The following CCDC171 variants were observed in gnomAD, a reference collection of about 807,000 sequenced individuals.
CCDC171 encodes the protein coiled-coil domain containing 171, also known as coiled-coil domain-containing protein 171.
A neutral mutation model predicts 168.2 loss-of-function variants in CCDC171; 177 were observed. The observed-to-expected ratio is 1.05, with a 90% CI of 0.93 to 1.19. The LOEUF (loss-of-function observed/expected upper bound fraction) is 1.19, where lower values mean the gene tolerates loss of function less well. Ranked by LOEUF, CCDC171 falls within the 50% of genes most tolerant of loss-of-function variation. CCDC171 has a pLI of 0.00. For synonymous variants in CCDC171, 687 were observed against 540.8 expected, an observed-to-expected ratio of 1.27 and a Z score of -3.75; for missense variants, 1,991 against 1,539.0, an observed-to-expected ratio of 1.29 and a Z score of -4.91.
intron 25 of CCDC171, among the ~76,000 whole-genome samples, chr9:15,948,779 T>C (rs1828737310): frequency 6.6e-6 from 1 of 151,764 alleles, no homozygotes; most frequent in African/African-American, 2.4e-5. Flanking sequence ...GGTTGCCTGT[T>C]CACTCTGATG....
chr9:15,577,438 C>A (rs1324782741), intron 3 of CCDC171, among the ~76,000 whole-genome samples: 1 of 152,180 alleles, frequency 6.6e-6, no homozygotes, highest in Non-Finnish European at 1.5e-5. Context: ...TCCTAAACAA[C>A]TGCACACCAT....
At chr9:15,642,134 C>A (rs1224153480) in intron 7 of CCDC171, among the ~76,000 whole-genome samples, 1 of 151,454 alleles carries the variant, frequency 6.6e-6, no homozygotes, top group Non-Finnish European at 1.5e-5. Context: ...GTACTCTAGC[C>A]TGGGAGACAG....
intron 21 of CCDC171, among the ~76,000 whole-genome samples, chr9:15,790,023 C>A (rs76981498): frequency 1.3e-5 from 2 of 152,060 alleles, no homozygotes; most frequent in East Asian, 3.8e-4. Context: ...TGGGTTGGTT[C>A]GAAGTCTTTG....
chr9:15,846,186 A>G (rs894068985), intron 21 of CCDC171, among the ~76,000 whole-genome samples: 2 of 152,090 alleles, frequency 1.3e-5, no homozygotes, highest in African/African-American at 2.4e-5. Flanking sequence ...TGAAATGTCT[A>G]TAGCCACCTA....
intron 7 of CCDC171, among the ~76,000 whole-genome samples, chr9:15,642,032 T>G (rs1186840736): frequency 6.6e-6 from 1 of 151,830 alleles, no homozygotes; most frequent in Non-Finnish European, 1.5e-5. Context: ...GTCATGGTGG[T>G]GTGTGCTTGT....
chr9:15,679,110 G>A lies in CCDC171; in HGVS notation c.1215+214G>A, dbSNP rs536132321. Reference sequence around the variant, plus strand: ...TTGGAATAATTGGGGGAAACTAACTGAACTAGTAAAAACTGAATTATAGAA... The same window carrying A: ...TTGGAATAATTGGGGGAAACTAACTAAACTAGTAAAAACTGAATTATAGAA... On this transcript the variant is annotated intron_variant, in intron 10 of 25. Coordinates refer to ENST00000380701, the MANE Select transcript of CCDC171 (RefSeq NM_173550.4). Among the ~76,000 whole-genome samples, 14 of 151,480 alleles carry A rather than the reference G, an allele frequency of 9.2e-5. No individual in the cohort carries two copies. In the South Asian group the frequency reaches 1.5e-3, roughly 16 times the overall value.
chr9:15,779,440 A>C (rs2057539869), intron 20 of CCDC171, among the ~76,000 whole-genome samples: 1 of 151,848 alleles, frequency 6.6e-6, no homozygotes, highest in East Asian at 1.9e-4. Context: ...GCTCACTGCA[A>C]CCTCTGCCCC....
intron 18 of CCDC171, among the ~76,000 whole-genome samples, chr9:15,769,221 A>G (rs2056886975): frequency 1.3e-5 from 2 of 152,232 alleles, no homozygotes; most frequent in African/African-American, 4.8e-5. Context: ...AGTAAAACTG[A>G]GAGCATGATA....
intron 1 of CCDC171, among the ~76,000 whole-genome samples, chr9:16,049,181 T>C (rs1006172615): frequency 6.6e-6 from 1 of 152,210 alleles, no homozygotes; most frequent in East Asian, 1.9e-4. Flanking sequence ...GATTACTGCA[T>C]TGTGTCAGTT....
intron 3 of CCDC171, among the ~76,000 whole-genome samples, chr9:15,990,245 C>G (rs2132904904): frequency 6.6e-6 from 1 of 152,096 alleles, no homozygotes. Flanking sequence ...AGAAACTCTA[C>G]AAGCCAGAAG....
At chr9:15,948,731 C>T (rs1828726476) in intron 25 of CCDC171, among the ~76,000 whole-genome samples, 1 of 151,148 alleles carries the variant, frequency 6.6e-6, no homozygotes, top group Non-Finnish European at 1.5e-5. Context: ...AGCCCTTTGT[C>T]AGATGAGTAG....
chr9:15,969,078 A>G (rs955367966), intron 25 of CCDC171, among the ~76,000 whole-genome samples: 5 of 152,166 alleles, frequency 3.3e-5, no homozygotes, highest in African/African-American at 9.7e-5. Context: ...ATTATTTTCC[A>G]TGTTTAGGAC....
At chr9:16,003,661 A>G (rs1369611259) in intron 3 of CCDC171, among the ~76,000 whole-genome samples, 1 of 152,258 alleles carries the variant, frequency 6.6e-6, no homozygotes, top group Non-Finnish European at 1.5e-5. Flanking sequence ...TTTCCGTGTC[A>G]TTATTTGACA....
At chr9:15,778,277 G>T (rs1464891563) in intron 19 of CCDC171, among the ~76,000 whole-genome samples, 1 of 123,996 alleles carries the variant, frequency 8.1e-6, no homozygotes, top group Non-Finnish European at 1.6e-5. Context: ...GCAGTCTGCC[G>T]CAGTCTGGCC....
chr9:16,094,696 C>A, the CCDC171 span, among the ~76,000 whole-genome samples: 2 of 152,160 alleles, frequency 1.3e-5, no homozygotes, highest in Non-Finnish European at 2.9e-5. Flanking sequence ...TCAATCCACA[C>A]CTTCTACAAA....
At chr9:15,888,846 A>G (rs1346790271) in intron 24 of CCDC171, 2 of 152,148 alleles carry the variant, frequency 1.3e-5, no homozygotes, top group East Asian at 3.8e-4. Context: ...ATTTTGTGGC[A>G]AAACCTGAGA....
chr9:15,970,670 C>T (rs2987013), intron 25 of CCDC171, among the ~76,000 whole-genome samples: 76,379 of 152,010 alleles, frequency 0.5, 20,509 homozygotes, highest in African/African-American at 0.7. Flanking sequence ...GTCCAGTATT[C>T]CATGACTTTG....
intron 21 of CCDC171, among the ~76,000 whole-genome samples, chr9:15,799,378 A>C (rs2058711816): frequency 6.6e-6 from 1 of 151,620 alleles, no homozygotes; most frequent in Non-Finnish European, 1.5e-5. Flanking sequence ...GACAAGAAAT[A>C]CGTGTTCATT....
intron 7 of CCDC171, among the ~76,000 whole-genome samples, chr9:15,633,050 AC>A (rs1361902657): frequency 1.3e-5 from 2 of 152,236 alleles, no homozygotes; most frequent in Non-Finnish European, 2.9e-5. Flanking sequence ...TAAACGTTAG[AC>A]CTAAAATCAT....
Sources: gnomAD v4.1 joint callset for allele counts (sites outside exome capture counted in the v4.1 genomes callset) on GRCh38, gnomAD v4.1.1 for gene constraint, MANE v1.5 for transcripts, NCBI Gene and HGNC (gene_info 2026-07-23, HGNC 2026-07-21) for gene names.